Variants in CPNE4 observed in about 807,000 individuals in gnomAD.
CPNE4 encodes the protein copine 4.
Under a neutral mutation model 67.9 loss-of-function variants are expected in CPNE4, and 25 were observed. That is an observed-to-expected ratio of 0.37 (90% CI 0.27 to 0.51). CPNE4 has a LOEUF of 0.51. Ranked by LOEUF, CPNE4 falls within the 20% of genes least tolerant of loss-of-function variation. CPNE4 has a pLI of 0.93. For synonymous variants in CPNE4, 242 were observed against 244.9 expected, an observed-to-expected ratio of 0.99 and a Z score of 0.11; for missense variants, 464 against 690.8, an observed-to-expected ratio of 0.67 and a Z score of 3.68.
chr3:131,794,412 TTTTTGTACTG>T (rs1004136368), intron 2 of CPNE4, among the ~76,000 whole-genome samples: 1 of 152,088 alleles, frequency 6.6e-6, no homozygotes, highest in African/African-American at 2.4e-5. Context: ...GCCCAGCTAA[TTTTTGTACTG>T]TTAGTAGAGA....
intron 2 of CPNE4, among the ~76,000 whole-genome samples, chr3:131,828,294 A>G (rs959714403): frequency 6.6e-6 from 1 of 152,214 alleles, no homozygotes; most frequent in Admixed American, 6.5e-5. Flanking sequence ...ATCAAGATAT[A>G]GAATATTTTC....
At chr3:131,759,396 C>T (rs1475934789) in intron 2 of CPNE4, among the ~76,000 whole-genome samples, 1 of 152,144 alleles carries the variant, frequency 6.6e-6, no homozygotes, top group East Asian at 1.9e-4. Context: ...TTGCCATCTT[C>T]TATTCTTTTA....
At chr3:132,013,818 G>T (rs2073828215) in intron 1 of CPNE4, among the ~76,000 whole-genome samples, 1 of 152,160 alleles carries the variant, frequency 6.6e-6, no homozygotes, top group South Asian at 2.1e-4. Flanking sequence ...CAAAGAGTTT[G>T]TATATCTTGC....
intron 1 of CPNE4, among the ~76,000 whole-genome samples, chr3:132,030,432 T>C (rs1281721932): frequency 2.6e-5 from 4 of 152,236 alleles, no homozygotes; most frequent in African/African-American, 9.6e-5. Context: ...TCACATTTAT[T>C]GGGTAAATAT....
chr3:131,635,323 A>G (rs1024652461), intron 7 of CPNE4, among the ~76,000 whole-genome samples: 9 of 152,222 alleles, frequency 5.9e-5, no homozygotes, highest in Non-Finnish European at 1.2e-4. Flanking sequence ...AAAGTGCCCT[A>G]CTAATGTTTA....
At chr3:131,808,869 G>T (rs868781106) in intron 2 of CPNE4, among the ~76,000 whole-genome samples, 7 of 152,216 alleles carry the variant, frequency 4.6e-5, no homozygotes, top group African/African-American at 1.7e-4. Flanking sequence ...TTTTGTAAAC[G>T]GTAAACTAAG....
chr3:131,972,577 G>T (rs537445218), intron 1 of CPNE4, among the ~76,000 whole-genome samples: 1 of 152,244 alleles, frequency 6.6e-6, no homozygotes, highest in East Asian at 1.9e-4. Flanking sequence ...CATCCGAGAA[G>T]AATCATTCAA....
At chr3:131,842,196 G>A (rs1049689583) in intron 2 of CPNE4, among the ~76,000 whole-genome samples, 5 of 152,224 alleles carry the variant, frequency 3.3e-5, no homozygotes, top group Non-Finnish European at 7.3e-5. Flanking sequence ...GCTGAATGTG[G>A]TCTGCAGAAG....
chr3:131,638,101 AG>A (rs1237532684), intron 7 of CPNE4, among the ~76,000 whole-genome samples: 1 of 152,082 alleles, frequency 6.6e-6, no homozygotes, highest in African/African-American at 2.4e-5. Flanking sequence ...TATTTCTCAC[AG>A]GACCTATATA....
intron 2 of CPNE4, among the ~76,000 whole-genome samples, chr3:131,744,078 G>T: frequency 6.7e-6 from 1 of 149,800 alleles, no homozygotes; most frequent in Non-Finnish European, 1.5e-5. Flanking sequence ...TGAATGCAAT[G>T]TAAGAAAAAT....
chr3:131,995,898 G>A (rs2073278654), intron 1 of CPNE4, among the ~76,000 whole-genome samples: 1 of 152,098 alleles, frequency 6.6e-6, no homozygotes, highest in Non-Finnish European at 1.5e-5. Flanking sequence ...CTCCGAACTT[G>A]CAGTATTTCA....
chr3:131,559,425 A>G (rs1005732906), intron 11 of CPNE4, among the ~76,000 whole-genome samples: 2 of 151,998 alleles, frequency 1.3e-5, no homozygotes, highest in African/African-American at 4.8e-5. Context: ...ACAAATTGGA[A>G]AAACACCCCA....
rs1190265371 is a variant in CPNE4 at position 131,993,041 on chromosome 3, T to G, written c.-2+41526A>C. Among the ~76,000 whole-genome samples, 2 of 136,138 alleles carry G rather than the reference T, an allele frequency of 1.5e-5. 1 individual carries two copies. The highest frequency in any genetic ancestry group is 3.3e-5 in the Non-Finnish European group (2 of 60,062). 89.3% of individuals were successfully genotyped at this position (136,138 alleles called of 152,430 possible). On this transcript the variant is annotated intron_variant, in intron 1 of 15. Coordinates refer to ENST00000429747, the MANE Select transcript of CPNE4 (RefSeq NM_130808.3). The stretch of plus-strand genomic sequence containing the variant: ...TATGTCTTTATTAGCAGCATGAGAA[T>G]GGACTAATACAAAGATAATGGAGGT...
At chr3:131,922,079 C>T (rs1418457459) in intron 1 of CPNE4, among the ~76,000 whole-genome samples, 1 of 152,086 alleles carries the variant, frequency 6.6e-6, no homozygotes, top group African/African-American at 2.4e-5. Flanking sequence ...CAACCCTTGC[C>T]CCCAACTAGT....
intron 7 of CPNE4, among the ~76,000 whole-genome samples, chr3:131,648,104 G>C (rs2079712029): frequency 6.6e-6 from 1 of 152,150 alleles, no homozygotes; most frequent in South Asian, 2.1e-4. Context: ...TGGGCATAGT[G>C]GTTTATGCCT....
At chr3:131,850,240 A>C (rs1467286522) in intron 2 of CPNE4, among the ~76,000 whole-genome samples, 1 of 152,190 alleles carries the variant, frequency 6.6e-6, no homozygotes, top group Non-Finnish European at 1.5e-5. Flanking sequence ...ATGCTCTCTA[A>C]GGGTTTTTGA....
intron 1 of CPNE4, among the ~76,000 whole-genome samples, chr3:131,994,702 A>G (rs2073244942): frequency 6.6e-6 from 1 of 152,212 alleles, no homozygotes; most frequent in African/African-American, 2.4e-5. Context: ...TACTTAAAAT[A>G]GCACCTACTC....
intron 7 of CPNE4, among the ~76,000 whole-genome samples, chr3:131,658,916 A>G (rs1002260995): frequency 1.3e-5 from 2 of 152,154 alleles, no homozygotes; most frequent in Non-Finnish European, 2.9e-5. Context: ...TTAATGTTTA[A>G]AATGTGGGAG....
chr3:131,736,774 T>C (rs1019488200), intron 2 of CPNE4, among the ~76,000 whole-genome samples: 4 of 152,176 alleles, frequency 2.6e-5, no homozygotes, highest in Non-Finnish European at 5.9e-5. Flanking sequence ...TAGAATGTTC[T>C]AGACTATCAC....
Sources: allele counts gnomAD v4.1 joint callset (sites outside exome capture counted in the v4.1 genomes callset), GRCh38; gene constraint gnomAD v4.1.1; transcripts MANE v1.5; gene names NCBI Gene and HGNC (gene_info 2026-07-23, HGNC 2026-07-21).